Variants in DSE observed in about 807,000 individuals in gnomAD.
The protein encoded by DSE is dermatan sulfate epimerase.
A neutral mutation model predicts 84.4 loss-of-function variants in DSE; 36 were observed. The observed-to-expected ratio is 0.43, with a 90% CI of 0.33 to 0.56. DSE has a LOEUF of 0.56. Ranked by LOEUF, DSE falls within the 20% of genes least tolerant of loss-of-function variation. The pLI is 0.06. For synonymous variants in DSE, 410 were observed against 430.1 expected (o/e 0.95, Z 0.58); for missense variants, 862 against 1,169.6 (o/e 0.74, Z 3.84).
chr6:116,302,219 C>T (rs1313502471), intron 2 of DSE, among the ~76,000 whole-genome samples: 1 of 152,208 alleles, frequency 6.6e-6, no homozygotes, highest in East Asian at 1.9e-4. Context: ...ACACTGTCTT[C>T]CACAATGGTA....
At chr6:116,366,052 A>C (rs980510593), upstream of DSE, 49 of 152,236 alleles carry the variant, frequency 3.2e-4, no homozygotes, top group African/African-American at 1.1e-3. Context: ...GACAATAAAC[A>C]CCTACTTACT....
intron 2 of DSE, among the ~76,000 whole-genome samples, chr6:116,264,705 G>T (rs1772546336): frequency 6.6e-6 from 1 of 152,066 alleles, no homozygotes; most frequent in Non-Finnish European, 1.5e-5. Flanking sequence ...TTGTGGTCTT[G>T]TGTTCCTTCA....
rs895282423 is a variant in DSE, at chr6:116,439,835, G to A, written c.*2490G>A. 6.6e-6 allele frequency: 1 copy of A among 152,166 alleles called. No individual in the cohort carries two copies. Among genetic ancestry groups the A allele is most frequent in the Non-Finnish European group, 1.5e-5 (1 of 68,064 alleles). 9.4% of individuals were successfully genotyped at this position (152,166 alleles called of 1,614,324 possible). A position where few individuals can be genotyped will look rare whatever the true frequency, so the allele number is the denominator to read the frequency against. ...AGTGCAGTAAAAGTGGTATATTCCT[G>A]GGAAGCTGAGGTGGGAGTATTGCCT... On this transcript the variant is annotated 3_prime_UTR_variant, in exon 6 of 6. Transcript: ENST00000644252.
At chr6:116,344,843 A>T (rs1385313394) in intron 2 of DSE, among the ~76,000 whole-genome samples, 2 of 152,218 alleles carry the variant, frequency 1.3e-5, no homozygotes, top group African/African-American at 4.8e-5. Context: ...TTGGATAAAG[A>T]GTCAAGACCC....
At chr6:116,409,667 T>C (rs1782187667) in intron 2 of DSE, among the ~76,000 whole-genome samples, 1 of 152,210 alleles carries the variant, frequency 6.6e-6, no homozygotes, top group Non-Finnish European at 1.5e-5. Flanking sequence ...ATGTATCTCT[T>C]TTGCCTGGAG....
Position 116,370,960 on chromosome 6 carries a change from G to T in DSE, c.-215G>T. 1.0e-6 allele frequency: 1 copy of T among 985,368 alleles called. No individual in the cohort carries two copies. 61.0% of individuals were successfully genotyped at this position (985,368 alleles called of 1,614,324 possible). On this transcript the variant is annotated 5_prime_UTR_variant, in exon 1 of 6. Transcript: ENST00000644252. ...GGCCCGGCTCTCAGTAGCGTCGCCC[G>T]AGGCTGCAGCAGCGCATCCCGGGGC...
intron 2 of DSE, among the ~76,000 whole-genome samples, chr6:116,296,044 T>C (rs1356913059): frequency 1.3e-5 from 2 of 152,190 alleles, no homozygotes; most frequent in Non-Finnish European, 2.9e-5. Context: ...CACTAAAATG[T>C]GCCTGGTGAC....
At chr6:116,258,187 T>C (rs182178115) in intron 1 of DSE, among the ~76,000 whole-genome samples, 46 of 152,080 alleles carry the variant, frequency 3.0e-4, no homozygotes, top group Non-Finnish European at 6.0e-4. Flanking sequence ...GGCTAATTTT[T>C]TTTTTTTTAG....
intron 2 of DSE, among the ~76,000 whole-genome samples, chr6:116,320,998 A>G (rs1776273151): frequency 6.6e-6 from 1 of 152,146 alleles, no homozygotes; most frequent in Non-Finnish European, 1.5e-5. Flanking sequence ...CATGCTGCAC[A>G]TGTCAGCAGG....
intron 2 of DSE, among the ~76,000 whole-genome samples, chr6:116,284,140 T>A (rs1343524530): frequency 6.6e-6 from 1 of 152,224 alleles, no homozygotes; most frequent in African/African-American, 2.4e-5. Flanking sequence ...CTCCATAATA[T>A]CAAGGAATCA....
At chr6:116,318,072 C>T (rs1392421233) in intron 2 of DSE, among the ~76,000 whole-genome samples, 4 of 152,114 alleles carry the variant, frequency 2.6e-5, no homozygotes, top group Admixed American at 2.0e-4. Flanking sequence ...TTTCTATGAT[C>T]GAACAAGGAG....
At position 116,304,122 on chromosome 6, in the gene DSE, CA is replaced by C. The variant is rs10641724; in HGVS notation, c.-54+45170del. On this transcript the variant is annotated intron_variant, in intron 2 of 3. Coordinates refer to the DSE transcript ENST00000430252. ...TGGGCGACAGAGCAAGACTCCGTCT[CA>C]AAAAAAAAAAAAAAGAAAGAAAAAA... Among the ~76,000 whole-genome samples the C allele has an allele frequency of 5.5e-3, 613 of 110,938 alleles. 2 individuals are homozygous for C. Among genetic ancestry groups the C allele is most frequent in the African/African-American group, 0.013 (388 of 30,810 alleles). The allele number at this position is 110,938 out of a possible 152,430, so 72.8% of individuals were successfully genotyped here.
intron 2 of DSE, among the ~76,000 whole-genome samples, chr6:116,413,294 C>T (rs1054112788): frequency 6.6e-6 from 1 of 152,138 alleles, no homozygotes; most frequent in Non-Finnish European, 1.5e-5. Context: ...CTGATTGCAA[C>T]CCATTATATT....
At chr6:116,388,743 T>G (rs907862808) in intron 1 of DSE, among the ~76,000 whole-genome samples, 1 of 152,224 alleles carries the variant, frequency 6.6e-6, no homozygotes, top group Non-Finnish European at 1.5e-5. Context: ...TTTAGGATTT[T>G]TTGTGACTGT....
intron 2 of DSE, among the ~76,000 whole-genome samples, chr6:116,328,989 T>C (rs1446878062): frequency 1.3e-5 from 2 of 152,196 alleles, no homozygotes; most frequent in African/African-American, 4.8e-5. Flanking sequence ...CCGCTTACTA[T>C]GCCTGGCAGT....
chr6:116,386,714 A>G (rs533539443), intron 1 of DSE, among the ~76,000 whole-genome samples: 2 of 152,232 alleles, frequency 1.3e-5, no homozygotes, highest in South Asian at 4.1e-4. Context: ...CTGCCATGTA[A>G]CCCAAGGCCT....
At chr6:116,265,122 C>G (rs1422806330) in intron 2 of DSE, among the ~76,000 whole-genome samples, 1 of 152,136 alleles carries the variant, frequency 6.6e-6, no homozygotes, top group Admixed American at 6.5e-5. Context: ...AGGCGCCATG[C>G]TAGCAGGCAT....
chr6:116,330,701 G>A (rs907113598), intron 2 of DSE, among the ~76,000 whole-genome samples: 1 of 152,132 alleles, frequency 6.6e-6, no homozygotes, highest in Non-Finnish European at 1.5e-5. Context: ...ACTCAAAAAA[G>A]CTGAATCACT....
chr6:116,403,451 A>T (rs1168509645), intron 2 of DSE, among the ~76,000 whole-genome samples: 1 of 151,758 alleles, frequency 6.6e-6, no homozygotes, highest in Admixed American at 6.6e-5. Context: ...TTAATTTAAT[A>T]AAAAATATCA....
Sources: gnomAD v4.1 joint callset for allele counts (sites outside exome capture counted in the v4.1 genomes callset) on GRCh38, gnomAD v4.1.1 for gene constraint, MANE v1.5 for transcripts, NCBI Gene and HGNC (gene_info 2026-07-23, HGNC 2026-07-21) for gene names.